ARHGAP17: variants seen among roughly 807,000 people sequenced by gnomAD.
ARHGAP17 encodes Rho GTPase activating protein 17.
In ARHGAP17, 57 loss-of-function variants were observed where a neutral mutation model predicts 99.5. That is an observed-to-expected ratio of 0.57 (90% CI 0.46 to 0.71). The LOEUF is 0.71. Among genes scored for constraint, ARHGAP17 ranks in the 30% least tolerant of loss-of-function variants. The probability of loss-of-function intolerance (pLI) is 0.00; values close to 1 mark genes in which losing one functional copy is unlikely to be tolerated. For synonymous variants in ARHGAP17, 417 were observed against 429.6 expected (o/e 0.97, Z 0.36); for missense variants, 1,000 against 1,122.4 (o/e 0.89, Z 1.56).
chr16:24,919,969 G>T lies in ARHGAP17; in HGVS notation c.*161C>A. On this transcript the variant is annotated 3_prime_UTR_variant, in exon 20 of 20. Coordinates refer to ENST00000289968, the MANE Select transcript of ARHGAP17 (RefSeq NM_001006634.3). ...ATTCAGCTTTAGTGGTGGCCTCCAGGTTCTCCTTGGGCCGTGCAGAAGGCC... is the reference window on the plus strand; with the variant it reads ...ATTCAGCTTTAGTGGTGGCCTCCAGTTTCTCCTTGGGCCGTGCAGAAGGCC... 9.9e-7 allele frequency: 1 copy of T among 1,007,802 alleles called. No individual in the cohort carries two copies. Among genetic ancestry groups the T allele is most frequent in the Non-Finnish European group, 1.4e-6 (1 of 710,722 alleles). 62.4% of individuals were successfully genotyped at this position (1,007,802 alleles called of 1,614,324 possible).
At chr16:24,939,253 C>T in intron 17 of ARHGAP17, 111 bp downstream of exon 17, 1 of 948,504 alleles carries the variant, frequency 1.1e-6, no homozygotes, top group Non-Finnish European at 1.5e-6. Flanking sequence ...TAAATCTGTT[C>T]ACTCCATGCT....
intron 12 of ARHGAP17, among the ~76,000 whole-genome samples, chr16:24,950,710 G>C (rs751557971): frequency 2.0e-5 from 3 of 151,802 alleles, no homozygotes; most frequent in Admixed American, 2.0e-4. Flanking sequence ...GGTGGTGTGC[G>C]CCTGTAATCC....
At chr16:24,961,972 G>GTTGTT (rs557758786) in intron 7 of ARHGAP17, among the ~76,000 whole-genome samples, 2 of 136,792 alleles carry the variant, frequency 1.5e-5, no homozygotes, top group African/African-American at 5.6e-5. Context: ...GAGAGAGTTT[G>GTTGTT]TTTTTTTTTT....
chr16:24,983,082 G>A (rs2052752619), intron 1 of ARHGAP17, among the ~76,000 whole-genome samples: 1 of 138,874 alleles, frequency 7.2e-6, no homozygotes. Context: ...TCAGATCACT[G>A]CAATCTCTGC....
chr16:24,929,251 G>T (rs971514696), intron 19 of ARHGAP17, among the ~76,000 whole-genome samples: 7 of 150,868 alleles, frequency 4.6e-5, no homozygotes, highest in Non-Finnish European at 8.8e-5. Context: ...CTGCAGTCTC[G>T]AACTCCTGAG....
At chr16:24,968,232 C>A (rs1345573312) in intron 6 of ARHGAP17, 119 bp downstream of exon 6, 2 of 1,153,632 alleles carry the variant, frequency 1.7e-6, no homozygotes, top group East Asian at 4.8e-5. Context: ...CAGGCTGGCA[C>A]CCAGTCTGGG....
At chr16:24,921,541 C>T (rs1259233671) in intron 19 of ARHGAP17, among the ~76,000 whole-genome samples, 1 of 152,168 alleles carries the variant, frequency 6.6e-6, no homozygotes, top group Non-Finnish European at 1.5e-5. Context: ...GCAGGCACAG[C>T]TTGAAAACGC....
chr16:24,948,574 T>C (rs2051540910), intron 13 of ARHGAP17, among the ~76,000 whole-genome samples: 1 of 152,102 alleles, frequency 6.6e-6, no homozygotes, highest in East Asian at 1.9e-4. Context: ...GCTCTCACCA[T>C]ATACACTGAA....
intron 18 of ARHGAP17, among the ~76,000 whole-genome samples, chr16:24,934,687 C>A (rs563629765): frequency 6.7e-6 from 1 of 150,142 alleles, no homozygotes; most frequent in Admixed American, 6.6e-5. Flanking sequence ...CAACTCCTGG[C>A]CTCAAGCGAT....
chr16:24,935,592 C>G lies in ARHGAP17; in HGVS notation c.1772G>C (p.Gly591Ala). 1 of 1,614,132 alleles carries G rather than the reference C, an allele frequency of 6.2e-7. No individual in the cohort carries two copies. The highest frequency in any genetic ancestry group is 8.5e-7 in the Non-Finnish European group (1 of 1,180,032). Reference sequence around the variant, plus strand: ...AGATGCTATCTGACTGTTGTTTCTCCCTGGTGCTGGCACAGCTGCAGATAC... The same window carrying G: ...AGATGCTATCTGACTGTTGTTTCTCGCTGGTGCTGGCACAGCTGCAGATAC... ...DPVSAAVPAP[G>A]RNNSQIASGQ... Residue 591 changes from glycine (G) to alanine (A), a missense_variant, in exon 18 of 20, where the codon GGG (glycine) becomes GCG (alanine). Gly to Ala is a moderately conservative substitution (Grantham distance 60). Around this residue, in one of 2 missense-constraint regions of ARHGAP17, gnomAD observed 528 missense variants for 511.4 expected, o/e 1.03. Transcript: ENST00000289968.
At chr16:24,932,119 A>AG (rs2051009912) in intron 18 of ARHGAP17, among the ~76,000 whole-genome samples, 1 of 151,888 alleles carries the variant, frequency 6.6e-6, no homozygotes, top group East Asian at 1.9e-4. Flanking sequence ...AAAAAAAAAA[A>AG]AAAAGTTGGG....
chr16:24,939,820 C>A, intron 16 of ARHGAP17: 1 of 584,780 alleles, frequency 1.7e-6, no homozygotes, highest in Non-Finnish European at 3.0e-6. Context: ...TGTCTTTGAT[C>A]AATTTGGGTG....
At chr16:24,927,741 T>C (rs557471366) in intron 19 of ARHGAP17, 21 of 1,136,634 alleles carry the variant, frequency 1.8e-5, no homozygotes, top group Non-Finnish European at 2.4e-5. Context: ...ATCTAAATTA[T>C]TTAATAAAAT....
At chr16:24,960,281 A>G (rs2051946775) in intron 7 of ARHGAP17, among the ~76,000 whole-genome samples, 1 of 152,250 alleles carries the variant, frequency 6.6e-6, no homozygotes, top group South Asian at 2.1e-4. Context: ...ACGATGGCTC[A>G]TGCCTGTAAT....
rs1461055859 is a variant in ARHGAP17 at position 24,930,920 on chromosome 16, G to A, written c.2379C>T (p.Thr793=). 2 of 1,614,048 alleles carry A rather than the reference G, an allele frequency of 1.2e-6. No individual in the cohort carries two copies. The highest frequency in any genetic ancestry group is 8.5e-7 in the Non-Finnish European group (1 of 1,179,986). The change falls in exon 19 of 20, where the codon ACC becomes ACT. Residue 793 remains threonine, a synonymous_variant. Transcript: ENST00000289968. ...TTGGTACTGGTCTCGGTCTCGGTAA[G>A]GTTCCAGCATGTGGCTGTGCAGTTT... ...NPETAQPHAG[T]LPRPRPVPKP...
chr16:24,990,718 C>G (rs1193856235), intron 1 of ARHGAP17, among the ~76,000 whole-genome samples: 1 of 151,616 alleles, frequency 6.6e-6, no homozygotes, highest in Non-Finnish European at 1.5e-5. Flanking sequence ...AATACTGATG[C>G]CTGGACCCCA....
chr16:25,005,245 ATTATT>A (rs2141505356), intron 1 of ARHGAP17, among the ~76,000 whole-genome samples: 1 of 152,328 alleles, frequency 6.6e-6, no homozygotes, highest in African/African-American at 2.4e-5. Flanking sequence ...AAACATGCCT[ATTATT>A]TTATTTGCTA....
chr16:24,976,497 ACAG>A (rs2052520380), intron 3 of ARHGAP17, among the ~76,000 whole-genome samples: 1 of 152,040 alleles, frequency 6.6e-6, no homozygotes, highest in Non-Finnish European at 1.5e-5. Flanking sequence ...CTACCACACT[ACAG>A]CCTGGGTCAT....
intron 1 of ARHGAP17, among the ~76,000 whole-genome samples, chr16:24,985,140 C>A (rs1162890306): frequency 6.6e-6 from 1 of 152,102 alleles, no homozygotes; most frequent in Non-Finnish European, 1.5e-5. Context: ...TGCTACTGGT[C>A]TCTGTAGGCT....
Sources: gnomAD v4.1 joint callset for allele counts (sites outside exome capture counted in the v4.1 genomes callset) on GRCh38, gnomAD v4.1.1 for gene constraint, gnomAD v4.1.1 regional missense constraint, MANE v1.5 for transcripts, NCBI Gene and HGNC (gene_info 2026-07-23, HGNC 2026-07-21) for gene names.